The following CSPG4 variants were observed in gnomAD, a reference collection of about 807,000 sequenced individuals.
CSPG4 encodes the protein chondroitin sulfate proteoglycan 4 (melanoma-associated).
Under a neutral mutation model 139.3 loss-of-function variants are expected in CSPG4, and 74 were observed. The observed-to-expected ratio is 0.53, with a 90% CI of 0.44 to 0.64. CSPG4 has a LOEUF of 0.64. Ranked by LOEUF, CSPG4 falls within the 30% of genes least tolerant of loss-of-function variation. The pLI, the probability that CSPG4 is intolerant of heterozygous loss-of-function variation, is 0.00. For synonymous variants in CSPG4, 1,234 were observed against 1,394.2 expected (o/e 0.89, Z 2.56); for missense variants, 2,565 against 3,148.3 (o/e 0.81, Z 4.43).
At position 75,689,181 on chromosome 15, in the gene CSPG4, A is replaced by G. The variant is rs1267313302; in HGVS notation, c.1884T>C (p.Tyr628=). ...CRELEAGSLV[Y]VHRGGPAQDL... ...CCTGTGCAGGACCACCGCGGTGGAC[A>G]TAGACTAGGCTGCCGGCCTCCAACT... is the stretch of plus-strand genomic sequence containing the variant. Residue 628 remains tyrosine, a synonymous_variant, in exon 3 of 10, where the codon TAT becomes TAC. Coordinates refer to ENST00000308508, the MANE Select transcript of CSPG4 (RefSeq NM_001897.5). 16 of 1,605,390 alleles carry G rather than the reference A, an allele frequency of 1.0e-5. No individual in the cohort carries two copies. Among genetic ancestry groups the G allele is most frequent in the Non-Finnish European group, 1.4e-5 (16 of 1,176,740 alleles).
In CSPG4 at chr15:75,675,828, G is replaced by C; in HGVS notation, c.6691C>G (p.Leu2231Val). The change falls in exon 10 of 10, where the codon CTG becomes GTG. Residue 2231 changes from leucine to valine, a missense_variant. Physicochemically the swap from Leu to Val is conservative, Grantham distance 32. Around this residue, in one of 5 missense-constraint regions of CSPG4, gnomAD observed 2,316 missense variants for 2,818.2 expected, o/e 0.82. Transcript: ENST00000308508. ...NMFSVIIPMC[L>V]VLLLLALILP... Reference sequence around the variant, plus strand: ...ATGAGCGCCAGGAGCAGAAGTACCAGGCACATGGGGATGATGACGCTGAAC... The same window carrying C: ...ATGAGCGCCAGGAGCAGAAGTACCACGCACATGGGGATGATGACGCTGAAC... 1 of 1,612,754 alleles carries C rather than the reference G, an allele frequency of 6.2e-7. No individual in the cohort carries two copies. The highest frequency in any genetic ancestry group is 8.5e-7 in the Non-Finnish European group (1 of 1,180,010).
At chr15:75,680,214 C>T (rs773027956) in intron 8 of CSPG4, 1 of 152,720 alleles carries the variant, frequency 6.5e-6, no homozygotes, top group Non-Finnish European at 1.5e-5. Context: ...AGGCAGGGCC[C>T]AGTCTGAGGT....
chr15:75,689,199 C>A lies in CSPG4; in HGVS notation c.1866G>T (p.Glu622Asp), dbSNP rs756772856. ...GGTGGACATAGACTAGGCTGCCGGCCTCCAACTCCCGGCAGGAGAACTCGG... is the reference window on the plus strand; with the variant it reads ...GGTGGACATAGACTAGGCTGCCGGCATCCAACTCCCGGCAGGAGAACTCGG... ...PATEFSCREL[E>D]AGSLVYVHRG... is the part of the protein sequence containing the mutation. The change falls in exon 3 of 10, where the codon GAG (glutamate) becomes GAT (aspartate). Residue 622 changes from glutamate to aspartate, a missense_variant. Around this residue, in one of 5 missense-constraint regions of CSPG4, gnomAD observed 2,316 missense variants for 2,818.2 expected, o/e 0.82. Coordinates refer to ENST00000308508, the MANE Select transcript of CSPG4 (RefSeq NM_001897.5). 17 of 1,607,804 alleles carry A rather than the reference C, an allele frequency of 1.1e-5. No homozygotes were observed. Among genetic ancestry groups the A allele is most frequent in the Non-Finnish European group, 1.4e-5 (17 of 1,178,196 alleles).
In CSPG4 at chr15:75,688,674, G is replaced by A; in HGVS notation, c.2391C>T (p.Thr797=). ...LRLEPLHTQN[T]QQETLTTAHL... Reference sequence around the variant, plus strand: ...GGGCTGTGGTGAGGGTCTCCTGCTGGGTGTTCTGAGTGTGCAGTGGCTCCA... The same window carrying A: ...GGGCTGTGGTGAGGGTCTCCTGCTGAGTGTTCTGAGTGTGCAGTGGCTCCA... Residue 797 remains threonine (T), a synonymous_variant, in exon 3 of 10, where the codon ACC becomes ACT. Coordinates refer to ENST00000308508, the MANE Select transcript of CSPG4 (RefSeq NM_001897.5). 1.2e-6 allele frequency: 2 copies of A among 1,611,940 alleles called. No individual in the cohort carries two copies. Among genetic ancestry groups the A allele is most frequent in the Non-Finnish European group, 1.7e-6 (2 of 1,179,414 alleles).
intron 4 of CSPG4, 142 bp from the exon 5 acceptor site, chr15:75,685,054 G>T: frequency 3.1e-6 from 4 of 1,272,344 alleles, no homozygotes; most frequent in Middle Eastern, 2.7e-4. Flanking sequence ...GCTCCGAGGA[G>T]TTGTGAGGAA....
chr15:75,687,821 T>C lies in CSPG4; in HGVS notation c.3244A>G (p.Thr1082Ala). ...DEPTRPIYRF[T>A]QEDLRKRRVL... ...CGCCTCTTCCTGAGGTCCTCCTGGG[T>C]GAAGCGGTAGATGGGCCGCGTGGGC... Residue 1082 changes from threonine (T) to alanine (A), a missense_variant, in exon 3 of 10, where the codon ACC (threonine) becomes GCC (alanine). By Grantham distance (58) the Thr-to-Ala change is moderately conservative (BLOSUM62 0). Transcript: ENST00000308508. This position sits in a 1 kb window ranked among gnomAD's most constrained non-coding sequence, Gnocchi z 5.4. 1 of 1,612,886 alleles carries C rather than the reference T, an allele frequency of 6.2e-7. No individual in the cohort carries two copies.
In CSPG4 at chr15:75,689,817, C is replaced by T; in HGVS notation, c.1248G>A (p.Val416=). The part of the protein sequence containing the change: ...WPAMELPEPC[V]PEPGLPPVFA... ...AGACAGGAGGCAGCCCTGGCTCAGG[C>T]ACGCATGGCTCAGGCAGCTCCATGG... is the stretch of plus-strand genomic sequence containing the variant. Residue 416 remains valine, a synonymous_variant, in exon 3 of 10, where the codon GTG becomes GTA. Coordinates refer to ENST00000308508, the MANE Select transcript of CSPG4 (RefSeq NM_001897.5). 6.2e-7 allele frequency: 1 copy of T among 1,612,754 alleles called. No individual in the cohort carries two copies. The highest frequency in any genetic ancestry group is 1.7e-5 in the Admixed American group (1 of 60,016).
chr15:75,676,903 G>T lies in CSPG4; in HGVS notation c.5616C>A (p.Val1872=). The part of the protein sequence containing the change: ...DSAPGEIEYE[V]QRAPHNGFLS... Reference sequence around the variant, plus strand: ...GGAAGCCGTTGTGGGGTGCCCGCTGGACCTCGTACTCAATCTCCCCAGGAG... The same window carrying T: ...GGAAGCCGTTGTGGGGTGCCCGCTGTACCTCGTACTCAATCTCCCCAGGAG... Residue 1872 remains valine, a synonymous_variant, in exon 10 of 10, where the codon GTC becomes GTA. Coordinates refer to ENST00000308508, the MANE Select transcript of CSPG4 (RefSeq NM_001897.5). The T allele has an allele frequency of 6.3e-7, 1 of 1,579,754 alleles. No individual in the cohort carries two copies. Among genetic ancestry groups the T allele is most frequent in the Middle Eastern group, 2.0e-4 (1 of 5,116 alleles).
chr15:75,701,258 T>C (rs1894297964), intron 1 of CSPG4, among the ~76,000 whole-genome samples: 2 of 152,276 alleles, frequency 1.3e-5, no homozygotes, highest in Admixed American at 6.5e-5. Flanking sequence ...AAGAAGGCCA[T>C]GGACCTGTGA....
chr15:75,693,579 G>A (rs2141432862), intron 1 of CSPG4, among the ~76,000 whole-genome samples: 1 of 152,310 alleles, frequency 6.6e-6, no homozygotes, highest in African/African-American at 2.4e-5. Flanking sequence ...CTCCCTCGTG[G>A]GTCTGGCTCC....
chr15:75,686,253 A>T, intron 3 of CSPG4, among the ~76,000 whole-genome samples: 1 of 152,170 alleles, frequency 6.6e-6, no homozygotes, highest in Non-Finnish European at 1.5e-5. Flanking sequence ...ACGCAGTCAC[A>T]CATGTACACA....
At chr15:75,686,672 C>T (rs549792599) in intron 3 of CSPG4, among the ~76,000 whole-genome samples, 156 of 152,350 alleles carry the variant, frequency 1.0e-3, no homozygotes, top group Non-Finnish European at 4.1e-4. Context: ...TTGCTGTCGG[C>T]CCCAAGCTCC....
intron 1 of CSPG4, among the ~76,000 whole-genome samples, chr15:75,706,634 C>T (rs1423032300): frequency 3.3e-5 from 5 of 152,028 alleles, no homozygotes; most frequent in African/African-American, 7.2e-5. Flanking sequence ...GAACAGGCTC[C>T]TGGGGGTGGC....
intron 1 of CSPG4, among the ~76,000 whole-genome samples, chr15:75,703,760 G>A (rs1359793849): frequency 3.7e-5 from 5 of 136,678 alleles, no homozygotes; most frequent in East Asian, 4.3e-4. Flanking sequence ...CAGCCTCTAC[G>A]CAGACCCCTC....
Position 75,712,696 on chromosome 15 carries a change from C to T in CSPG4, c.60G>A (p.Leu20=), listed in dbSNP as rs758688439. The change falls in exon 1 of 10, where the codon CTG becomes CTA. Residue 20 remains leucine, a synonymous_variant. Transcript: ENST00000308508. ...PAPGLALALT[L]TMLARLASAA... ...CGGATGCAAGTCTGGCCAACATAGTCAGGGTCAAAGCCAAGGCCAGGCCGG... is the reference window on the plus strand; with the variant it reads ...CGGATGCAAGTCTGGCCAACATAGTTAGGGTCAAAGCCAAGGCCAGGCCGG... 1.9e-6 allele frequency: 3 copies of T among 1,566,024 alleles called. No individual in the cohort carries two copies. Among genetic ancestry groups the T allele is most frequent in the East Asian group, 4.7e-5 (2 of 42,842 alleles).
At chr15:75,679,079 T>C (rs1893935051) in intron 8 of CSPG4, 1 of 238,840 alleles carries the variant, frequency 4.2e-6, no homozygotes, top group South Asian at 4.8e-5. Context: ...TCTCCTGGCC[T>C]CAAATGCCAG....
At chr15:75,693,552 C>T (rs1894191787) in intron 1 of CSPG4, among the ~76,000 whole-genome samples, 1 of 152,256 alleles carries the variant, frequency 6.6e-6, no homozygotes, top group Non-Finnish European at 1.5e-5. Flanking sequence ...CTCGCCTCCC[C>T]TGGGCCCCAG....
At position 75,712,787 on chromosome 15, in the gene CSPG4, A is replaced by G. The variant is rs1349586596; in HGVS notation, c.-32T>C. 4 of 1,517,536 alleles carry G rather than the reference A, an allele frequency of 2.6e-6. No individual in the cohort carries two copies. Among genetic ancestry groups the G allele is most frequent in the Non-Finnish European group, 2.7e-6 (3 of 1,128,992 alleles). 94.0% of individuals were successfully genotyped at this position (1,517,536 alleles called of 1,614,324 possible). A position where few individuals can be genotyped will look rare whatever the true frequency, so the allele number is the denominator to read the frequency against. On this transcript the variant is annotated 5_prime_UTR_variant, in exon 1 of 10. Coordinates refer to ENST00000308508, the MANE Select transcript of CSPG4 (RefSeq NM_001897.5). Reference sequence around the variant, plus strand: ...GGGCTGGGCGGCAGGACTTGCGAGGAGCCAGCGGAGTCCTGGGAGCTGGGA... The same window carrying G: ...GGGCTGGGCGGCAGGACTTGCGAGGGGCCAGCGGAGTCCTGGGAGCTGGGA...
rs1483464097 is a variant in CSPG4 at position 75,692,244 on chromosome 15, A to G, written c.252+826T>C. 5.9e-5 allele frequency among the ~76,000 whole-genome samples: 9 copies of G among 152,260 alleles called. No individual in the cohort carries two copies. In the East Asian group the frequency reaches 1.7e-3, roughly 29 times the overall value. On this transcript the variant is annotated intron_variant, in intron 2 of 9. Coordinates refer to ENST00000308508, the MANE Select transcript of CSPG4 (RefSeq NM_001897.5). ...GGTGATCCACCCGCCTCAGCCTCCC[A>G]AAGTGCTGGGATTACAGGCATGAGC...
Sources: gnomAD v4.1 joint callset for allele counts (sites outside exome capture counted in the v4.1 genomes callset) on GRCh38, gnomAD v4.1.1 for gene constraint, gnomAD v4.1.1 regional missense constraint, Gnocchi (gnomAD v3.1) non-coding constraint, MANE v1.5 for transcripts, NCBI Gene and HGNC (gene_info 2026-07-23, HGNC 2026-07-21) for gene names.